ASCC3: variants seen among roughly 807,000 people sequenced by gnomAD.
The protein encoded by ASCC3 is activating signal cointegrator 1 complex subunit 3, also known as ASC-1 complex subunit P200.
A neutral mutation model predicts 256.3 loss-of-function variants in ASCC3; 158 were observed. The observed-to-expected ratio is 0.62, with a 90% CI of 0.54 to 0.70. ASCC3 has a LOEUF of 0.70. Ranked by LOEUF, ASCC3 falls within the 30% of genes least tolerant of loss-of-function variation. ASCC3 has a pLI of 0.00. For missense variants in ASCC3, 2,259 were observed against 2,626.0 expected (o/e 0.86, Z 3.05); for synonymous variants, 948 against 883.4 (o/e 1.07, Z -1.30).
At chr6:100,765,798 T>TG (rs1781628217) in intron 10 of ASCC3, among the ~76,000 whole-genome samples, 1 of 152,230 alleles carries the variant, frequency 6.6e-6, no homozygotes, top group African/African-American at 2.4e-5. Context: ...TATTTTGCTA[T>TG]GGGGGCCCTA....
At chr6:100,750,586 A>T (rs1244645362) in intron 10 of ASCC3, among the ~76,000 whole-genome samples, 1 of 152,046 alleles carries the variant, frequency 6.6e-6, no homozygotes, top group Non-Finnish European at 1.5e-5. Flanking sequence ...CAGCATCCTT[A>T]AAAACCATTC....
At chr6:100,645,834 T>C (rs1318297849) in intron 22 of ASCC3, among the ~76,000 whole-genome samples, 1 of 152,094 alleles carries the variant, frequency 6.6e-6, no homozygotes, top group Non-Finnish European at 1.5e-5. Context: ...TGAAAAACTG[T>C]ATAGTGTTAA....
chr6:100,815,626 T>C (rs1770706905), intron 4 of ASCC3, among the ~76,000 whole-genome samples: 1 of 151,884 alleles, frequency 6.6e-6, no homozygotes, highest in African/African-American at 2.4e-5. Context: ...CCCACAAACA[T>C]CTCATCTTTG....
At chr6:100,814,979 TG>T (rs1770669875) in intron 4 of ASCC3, among the ~76,000 whole-genome samples, 1 of 152,142 alleles carries the variant, frequency 6.6e-6, no homozygotes, top group African/African-American at 2.4e-5. Flanking sequence ...CTCCTAGTTT[TG>T]GGGGTTGGTT....
chr6:100,523,928 T>C (rs753092633), intron 37 of ASCC3, among the ~76,000 whole-genome samples: 10 of 152,170 alleles, frequency 6.6e-5, no homozygotes, highest in Non-Finnish European at 1.3e-4. Flanking sequence ...GTAGAGAGTA[T>C]GCAATATGGT....
chr6:100,595,676 A>G (rs1772256281), intron 34 of ASCC3, among the ~76,000 whole-genome samples: 1 of 152,152 alleles, frequency 6.6e-6, no homozygotes, highest in African/African-American at 2.4e-5. Context: ...GGAGAATGGG[A>G]TGGAATCCTA....
At chr6:100,582,867 T>C (rs187426055) in intron 36 of ASCC3, among the ~76,000 whole-genome samples, 5,001 of 151,992 alleles carry the variant, frequency 0.033, 250 homozygotes, top group African/African-American at 0.11. Flanking sequence ...GTCTTTGGTT[T>C]TGTTTATATG....
At chr6:100,585,568 C>T (rs190750922) in intron 36 of ASCC3, among the ~76,000 whole-genome samples, 76 of 152,328 alleles carry the variant, frequency 5.0e-4, no homozygotes, top group Non-Finnish European at 9.7e-4. Context: ...CTGAAGACTT[C>T]TTCTCTCAAA....
intron 36 of ASCC3, among the ~76,000 whole-genome samples, chr6:100,558,429 T>A (rs1015709414): frequency 6.6e-6 from 1 of 152,170 alleles, no homozygotes; most frequent in Non-Finnish European, 1.5e-5. Flanking sequence ...ATTGATTCAA[T>A]AAGTGATTTG....
At chr6:100,617,112 A>G (rs929333770) in intron 30 of ASCC3, among the ~76,000 whole-genome samples, 4 of 152,006 alleles carry the variant, frequency 2.6e-5, no homozygotes, top group Admixed American at 2.0e-4. Flanking sequence ...TCAAACAATT[A>G]TCATGCCTCA....
chr6:100,781,564 T>C (rs1782453212), intron 8 of ASCC3, among the ~76,000 whole-genome samples: 1 of 151,038 alleles, frequency 6.6e-6, no homozygotes, highest in African/African-American at 2.4e-5. Flanking sequence ...TTTTTTTTTT[T>C]TTTTTAGTAG....
chr6:100,631,685 A>G (rs1022905687), intron 25 of ASCC3, among the ~76,000 whole-genome samples: 1 of 151,924 alleles, frequency 6.6e-6, no homozygotes, highest in Non-Finnish European at 1.5e-5. Flanking sequence ...AGAGAAATAA[A>G]CTATTGTTTA....
Position 100,864,156 on chromosome 6 carries a change from A to G in ASCC3, c.149T>C (p.Ile50Thr), listed in dbSNP as rs754778395. The G allele has an allele frequency of 1.1e-5, 17 of 1,608,166 alleles. No individual in the cohort carries two copies. In the Admixed American group the frequency reaches 2.8e-4, roughly 27 times the overall value. ...CAGTTTTTCATTCAAAAATTTTATT[A>G]TCTTCTTCCATGTCAGGCCCAAATC... Reference protein sequence around the residue: ...VLDLGLTWKKIIKFLNEKLEK... With the variant: ...VLDLGLTWKKTIKFLNEKLEK... The change falls in exon 3 of 42, where the codon ATA becomes ACA. Residue 50 changes from isoleucine to threonine, a missense_variant. Around this residue, in one of 2 missense-constraint regions of ASCC3, gnomAD observed 420 missense variants for 419.3 expected, o/e 1.00. Coordinates refer to ENST00000369162, the MANE Select transcript of ASCC3 (RefSeq NM_006828.4).
rs1771906605 is a variant in ASCC3 at position 100,589,865 on chromosome 6, A to C, written c.5415+83T>G. On this transcript the variant is annotated intron_variant, in intron 35 of 41. Coordinates refer to ENST00000369162, the MANE Select transcript of ASCC3 (RefSeq NM_006828.4). ...GGTGCTTTTGAAACAATTTTTTAAA[A>C]AATTTTGATAGTATTAAAAGCAAAA... 3 of 1,591,466 alleles carry C rather than the reference A, an allele frequency of 1.9e-6. No individual in the cohort carries two copies. The South Asian group carries it at 3.4e-5, about 18-fold the overall frequency.
intron 36 of ASCC3, among the ~76,000 whole-genome samples, chr6:100,583,791 T>C (rs1771466157): frequency 6.6e-6 from 1 of 152,222 alleles, no homozygotes; most frequent in Non-Finnish European, 1.5e-5. Flanking sequence ...TGTGTGTCTT[T>C]GTTCTCGTTG....
chr6:100,599,600 T>A (rs181702930), intron 34 of ASCC3, among the ~76,000 whole-genome samples: 3 of 151,964 alleles, frequency 2.0e-5, no homozygotes, highest in Admixed American at 2.0e-4. Flanking sequence ...GGAAGCTGGG[T>A]GAAGGGTATA....
intron 34 of ASCC3, among the ~76,000 whole-genome samples, chr6:100,596,220 G>A (rs1334696659): frequency 2.6e-5 from 4 of 151,988 alleles, no homozygotes; most frequent in Non-Finnish European, 5.9e-5. Context: ...TGATCTCTAT[G>A]TTGAGATGTT....
chr6:100,726,460 C>G (rs1483744548), intron 10 of ASCC3, among the ~76,000 whole-genome samples: 1 of 151,814 alleles, frequency 6.6e-6, no homozygotes. Flanking sequence ...ATTATAAAAT[C>G]AAAATTTTCA....
chr6:100,549,767 A>C (rs1326146019), intron 36 of ASCC3, among the ~76,000 whole-genome samples: 1 of 152,006 alleles, frequency 6.6e-6, no homozygotes, highest in Non-Finnish European at 1.5e-5. Flanking sequence ...ATATTTAGGG[A>C]AACAAATTAT....
Sources: gnomAD v4.1 joint callset for allele counts (sites outside exome capture counted in the v4.1 genomes callset) on GRCh38, gnomAD v4.1.1 for gene constraint, gnomAD v4.1.1 regional missense constraint, MANE v1.5 for transcripts, NCBI Gene and HGNC (gene_info 2026-07-23, HGNC 2026-07-21) for gene names.